The following PKIA variants were observed in gnomAD, a reference collection of about 807,000 sequenced individuals.
PKIA encodes cAMP-dependent protein kinase inhibitor alpha.
In PKIA, 4 loss-of-function variants were observed where a neutral mutation model predicts 7.6. The ratio of observed to expected loss-of-function variants is 0.52; its 90% confidence interval spans 0.26 to 1.20. The LOEUF (loss-of-function observed/expected upper bound fraction) is 1.20. Among genes scored for constraint, PKIA ranks in the 50% most tolerant of loss-of-function variants. The probability of loss-of-function intolerance (pLI) is 0.13; values close to 1 mark genes in which losing one functional copy is unlikely to be tolerated. For missense variants in PKIA, 73 were observed against 86.2 expected (o/e 0.85, Z 0.61); for synonymous variants, 21 against 30.7 (o/e 0.68, Z 1.04).
At chr8:78,600,310 A>ATGT (rs1808323540) in intron 3 of PKIA, among the ~76,000 whole-genome samples, 2 of 149,678 alleles carry the variant, frequency 1.3e-5, no homozygotes, top group African/African-American at 4.9e-5. Context: ...TAATTCGTAA[A>ATGT]TGTTTCAGCT....
At chr8:78,536,691 G>A (rs548338009) in intron 1 of PKIA, among the ~76,000 whole-genome samples, 1 of 151,862 alleles carries the variant, frequency 6.6e-6, no homozygotes, top group South Asian at 2.1e-4. Context: ...TTGAACTTTG[G>A]GAAAGCATAT....
chr8:78,588,763 G>A (rs1347145808), intron 2 of PKIA, among the ~76,000 whole-genome samples: 1 of 151,990 alleles, frequency 6.6e-6, no homozygotes, highest in African/African-American at 2.4e-5. Flanking sequence ...CAGTGTAGAG[G>A]AAGCAGGGAA....
intron 2 of PKIA, among the ~76,000 whole-genome samples, chr8:78,595,046 G>A (rs1355394644): frequency 4.6e-5 from 7 of 152,140 alleles, no homozygotes; most frequent in Admixed American, 2.0e-4. Context: ...TAATAATAGA[G>A]CCAGAAATTT....
At chr8:78,524,085 TAAAC>T (rs1411795971) in intron 1 of PKIA, among the ~76,000 whole-genome samples, 4 of 135,270 alleles carry the variant, frequency 3.0e-5, no homozygotes, top group East Asian at 2.0e-4. Flanking sequence ...TAAATATAAA[TAAAC>T]ATTTATATTT....
intron 1 of PKIA, among the ~76,000 whole-genome samples, chr8:78,536,676 C>G (rs1725522697): frequency 6.6e-6 from 1 of 151,964 alleles, no homozygotes; most frequent in African/African-American, 2.4e-5. Flanking sequence ...TGTGTATCTT[C>G]TTTTTTGAAC....
intron 1 of PKIA, among the ~76,000 whole-genome samples, chr8:78,538,899 G>A (rs902812649): frequency 3.9e-5 from 6 of 152,044 alleles, no homozygotes; most frequent in African/African-American, 1.4e-4. Context: ...GAGAGTGTGG[G>A]TGTCTTGGCA....
chr8:78,566,610 T>G (rs1194075052), intron 1 of PKIA, among the ~76,000 whole-genome samples: 1 of 152,100 alleles, frequency 6.6e-6, no homozygotes, highest in African/African-American at 2.4e-5. Flanking sequence ...TATCTTTTCC[T>G]TGTGAGTTTT....
chr8:78,556,932 A>G (rs973726057), intron 1 of PKIA, among the ~76,000 whole-genome samples: 17 of 152,080 alleles, frequency 1.1e-4, no homozygotes, highest in Admixed American at 4.6e-4. Flanking sequence ...TTGTGAGTCT[A>G]ATTACTCTAG....
chr8:78,555,003 T>C (rs550954764), intron 1 of PKIA, among the ~76,000 whole-genome samples: 1 of 152,182 alleles, frequency 6.6e-6, no homozygotes, highest in South Asian at 2.1e-4. Context: ...AAATGGTGCA[T>C]GACTGAGTCT....
intron 2 of PKIA, among the ~76,000 whole-genome samples, chr8:78,581,541 G>C: frequency 6.6e-6 from 1 of 152,094 alleles, no homozygotes. Flanking sequence ...ATTGTCTGTT[G>C]ATAGGATGTG....
intron 1 of PKIA, among the ~76,000 whole-genome samples, chr8:78,517,910 AC>A (rs1206815773): frequency 6.6e-6 from 1 of 152,228 alleles, no homozygotes; most frequent in Admixed American, 6.5e-5. Flanking sequence ...ACTTAAAATT[AC>A]AGAGACTGTC....
intron 1 of PKIA, among the ~76,000 whole-genome samples, chr8:78,552,024 C>A (rs1476219561): frequency 6.6e-6 from 1 of 151,598 alleles, no homozygotes; most frequent in Non-Finnish European, 1.5e-5. Flanking sequence ...CCATTCCTAT[C>A]TGGTTAAAAA....
chr8:78,542,725 G>A (rs534307232), intron 1 of PKIA, among the ~76,000 whole-genome samples: 1 of 152,138 alleles, frequency 6.6e-6, no homozygotes, highest in South Asian at 2.1e-4. Context: ...TTGACAAAAA[G>A]ATGTTGTGGT....
intron 1 of PKIA, among the ~76,000 whole-genome samples, chr8:78,552,094 A>G (rs1180166991): frequency 6.6e-6 from 1 of 151,922 alleles, no homozygotes; most frequent in Non-Finnish European, 1.5e-5. Flanking sequence ...GAGCAAGCAA[A>G]GTGGAGAGAA....
chr8:78,544,307 C>T (rs748749461), intron 1 of PKIA, among the ~76,000 whole-genome samples: 3 of 152,130 alleles, frequency 2.0e-5, no homozygotes, highest in Non-Finnish European at 4.4e-5. Context: ...ATTTTCTAGG[C>T]CATTGCATGT....
At chr8:78,574,946 A>G (rs1015974118) in intron 2 of PKIA, among the ~76,000 whole-genome samples, 3 of 151,966 alleles carry the variant, frequency 2.0e-5, no homozygotes, top group Non-Finnish European at 4.4e-5. Context: ...TAGGTAGCAT[A>G]AAGTTCTCAT....
intron 2 of PKIA, among the ~76,000 whole-genome samples, chr8:78,582,138 C>G (rs923322500): frequency 1.2e-4 from 18 of 149,818 alleles, no homozygotes; most frequent in African/African-American, 4.4e-4. Context: ...GCTAATCTCT[C>G]TTGCTAATAC....
chr8:78,594,767 G>A (rs1808191488), intron 2 of PKIA, among the ~76,000 whole-genome samples: 1 of 152,160 alleles, frequency 6.6e-6, no homozygotes, highest in Non-Finnish European at 1.5e-5. Context: ...TCAATAGCAT[G>A]TCTTAAAAAG....
intron 2 of PKIA, among the ~76,000 whole-genome samples, chr8:78,590,339 G>C (rs540983627): frequency 6.6e-6 from 1 of 150,596 alleles, no homozygotes; most frequent in Admixed American, 6.6e-5. Context: ...ATTTCAAACT[G>C]CAAGAAAGAC....
Sources: gnomAD v4.1 joint callset for allele counts (sites outside exome capture counted in the v4.1 genomes callset) on GRCh38, gnomAD v4.1.1 for gene constraint, MANE v1.5 for transcripts, NCBI Gene and HGNC (gene_info 2026-07-23, HGNC 2026-07-21) for gene names.